The following CCSER1 variants were observed in gnomAD, a reference collection of about 807,000 sequenced individuals.
The protein encoded by CCSER1 is coiled-coil serine rich protein 1.
CCSER1 carries 41 observed loss-of-function variants against 82.0 expected under a neutral mutation model. The observed-to-expected ratio is 0.50, with a 90% CI of 0.39 to 0.65. CCSER1 has a LOEUF of 0.65. Ranked by LOEUF, CCSER1 falls within the 30% of genes least tolerant of loss-of-function variation. CCSER1 has a pLI of 0.00. For synonymous variants in CCSER1, 414 were observed against 383.9 expected (o/e 1.08, Z -0.92); for missense variants, 1,119 against 1,064.2 (o/e 1.05, Z -0.72).
At chr4:90,782,118 A>G (rs1018969120) in intron 7 of CCSER1, 3 of 294,878 alleles carry the variant, frequency 1.0e-5, no homozygotes, top group African/African-American at 2.3e-5. Context: ...TCCAGTCTTG[A>G]TTATATTGCA....
In CCSER1 at chr4:91,468,360, C is replaced by T. The variant is rs572909140; in HGVS notation, c.2218-130212C>T. Reference sequence around the variant, plus strand: ...ACACACCTGGGCCTGTCATGGTGTGCAGGGAGGGGAGAGGGATAGCATTAG... The same window carrying T: ...ACACACCTGGGCCTGTCATGGTGTGTAGGGAGGGGAGAGGGATAGCATTAG... On this transcript the variant is annotated intron_variant, in intron 10 of 10. Transcript: ENST00000509176. Among the ~76,000 whole-genome samples the T allele has an allele frequency of 3.3e-5, 5 of 151,992 alleles. No homozygotes were observed. In the South Asian group the frequency reaches 1.0e-3, roughly 32 times the overall value.
intron 10 of CCSER1, among the ~76,000 whole-genome samples, chr4:91,552,177 A>AT (rs987710723): frequency 2.4e-4 from 37 of 151,892 alleles, no homozygotes; most frequent in Non-Finnish European, 4.3e-4. Flanking sequence ...TAGACAAGAG[A>AT]TTTTAGCATG....
chr4:90,305,131 T>C (rs555903248), intron 1 of CCSER1, among the ~76,000 whole-genome samples: 2 of 152,154 alleles, frequency 1.3e-5, no homozygotes, highest in Non-Finnish European at 2.9e-5. Flanking sequence ...TTAGCCAGGA[T>C]GGTCTCAATC....
intron 1 of CCSER1, among the ~76,000 whole-genome samples, chr4:90,237,346 C>T (rs1025165843): frequency 1.2e-4 from 19 of 152,096 alleles, no homozygotes; most frequent in African/African-American, 4.6e-4. Context: ...TTCCTTTTAA[C>T]AGTATGTGTA....
At chr4:91,044,493 A>G (rs1018157367) in intron 9 of CCSER1, among the ~76,000 whole-genome samples, 2 of 152,208 alleles carry the variant, frequency 1.3e-5, no homozygotes, top group African/African-American at 4.8e-5. Context: ...CTTGACCTAC[A>G]TGATCCTGCA....
chr4:90,719,513 A>G (rs919314241), intron 6 of CCSER1, among the ~76,000 whole-genome samples: 1 of 152,162 alleles, frequency 6.6e-6, no homozygotes, highest in African/African-American at 2.4e-5. Context: ...ACGGTCCCTC[A>G]TGCCAAAAAG....
At chr4:90,292,324 T>C (rs1731082032) in intron 1 of CCSER1, among the ~76,000 whole-genome samples, 1 of 151,986 alleles carries the variant, frequency 6.6e-6, no homozygotes, top group Admixed American at 6.6e-5. Flanking sequence ...TATGTGTGTA[T>C]GTATATTTGT....
chr4:91,233,566 GTT>G (rs1293942901), intron 10 of CCSER1, among the ~76,000 whole-genome samples: 1 of 151,882 alleles, frequency 6.6e-6, no homozygotes, highest in African/African-American at 2.4e-5. Context: ...TGCTACTAAG[GTT>G]TTTCTGTTTG....
intron 7 of CCSER1, among the ~76,000 whole-genome samples, chr4:90,776,115 A>G (rs914403966): frequency 5.3e-5 from 8 of 152,166 alleles, no homozygotes; most frequent in African/African-American, 1.9e-4. Context: ...TATGTTTTCA[A>G]TAATTCTTGG....
chr4:90,638,927 G>C (rs1242127044), intron 6 of CCSER1, among the ~76,000 whole-genome samples: 1 of 152,042 alleles, frequency 6.6e-6, no homozygotes, highest in Non-Finnish European at 1.5e-5. Flanking sequence ...TATAGCTACT[G>C]TAAGTTGATT....
At position 90,807,408 on chromosome 4, in the gene CCSER1, G is replaced by A. The variant is rs186072621; in HGVS notation, c.2011-8354G>A. On this transcript the variant is annotated intron_variant, in intron 7 of 10. Transcript: ENST00000509176. ...GAGGTGGAACAGAAAGAGTTAATAA[G>A]CATCTTCCTTGTAGTCAAGCTGGTT... is the stretch of plus-strand genomic sequence containing the variant. Among the ~76,000 whole-genome samples the A allele has an allele frequency of 3.9e-5, 6 of 152,222 alleles. No individual in the cohort carries two copies. In the East Asian group the frequency reaches 1.2e-3, roughly 29 times the overall value.
chr4:90,556,101 G>A (rs1778099633), intron 5 of CCSER1, among the ~76,000 whole-genome samples: 1 of 151,974 alleles, frequency 6.6e-6, no homozygotes, highest in Admixed American at 6.6e-5. Flanking sequence ...AAAGTGTTTT[G>A]CTACACTTTG....
chr4:91,149,689 C>A (rs900130838), intron 10 of CCSER1, among the ~76,000 whole-genome samples: 1 of 152,180 alleles, frequency 6.6e-6, no homozygotes, highest in Non-Finnish European at 1.5e-5. Flanking sequence ...TTTCAGCTTT[C>A]TGCATATGAC....
intron 10 of CCSER1, among the ~76,000 whole-genome samples, chr4:91,288,889 C>T (rs1246820584): frequency 6.6e-6 from 1 of 151,978 alleles, no homozygotes; most frequent in African/African-American, 2.4e-5. Context: ...GAACGTAGTG[C>T]CTGCTTTAAG....
chr4:91,482,176 G>A (rs1757958327), intron 10 of CCSER1, among the ~76,000 whole-genome samples: 1 of 150,156 alleles, frequency 6.7e-6, no homozygotes, highest in Non-Finnish European at 1.5e-5. Flanking sequence ...GCTGAGGCGG[G>A]TGGATCATGA....
chr4:90,496,893 G>A lies in CCSER1; in HGVS notation c.1724+28539G>A, dbSNP rs544247708. On this transcript the variant is annotated intron_variant, in intron 5 of 10. Coordinates refer to ENST00000509176, the MANE Select transcript of CCSER1 (RefSeq NM_001145065.2). ...TCAGGAGTGCTGAGGCAGGAGAATCGCTTGAACCCAGGAGGCGGAGGTTGC... is the reference window on the plus strand; with the variant it reads ...TCAGGAGTGCTGAGGCAGGAGAATCACTTGAACCCAGGAGGCGGAGGTTGC... Among the ~76,000 whole-genome samples, 9 of 147,376 alleles carry A rather than the reference G, an allele frequency of 6.1e-5. No homozygotes were observed. In the East Asian group the frequency reaches 6.2e-4, roughly 10 times the overall value.
intron 10 of CCSER1, among the ~76,000 whole-genome samples, chr4:91,176,695 C>T (rs1733410745): frequency 6.6e-6 from 1 of 152,146 alleles, no homozygotes; most frequent in Admixed American, 6.5e-5. Context: ...GCTGAAGTTG[C>T]TTATCAGCTT....
intron 10 of CCSER1, among the ~76,000 whole-genome samples, chr4:91,386,009 C>G (rs1341838252): frequency 2.0e-5 from 3 of 151,720 alleles, no homozygotes; most frequent in African/African-American, 7.3e-5. Context: ...CTCACACACA[C>G]AAATGCATAC....
intron 4 of CCSER1, among the ~76,000 whole-genome samples, chr4:90,424,538 A>T (rs886546380): frequency 6.6e-6 from 1 of 152,170 alleles, no homozygotes; most frequent in Non-Finnish European, 1.5e-5. Flanking sequence ...ATATATGTAG[A>T]TTTTGTCCAA....
Sources: gnomAD v4.1 joint callset for allele counts (sites outside exome capture counted in the v4.1 genomes callset) on GRCh38, gnomAD v4.1.1 for gene constraint, MANE v1.5 for transcripts, NCBI Gene and HGNC (gene_info 2026-07-23, HGNC 2026-07-21) for gene names.